CLIP4: variants seen among roughly 807,000 people sequenced by gnomAD.
The protein encoded by CLIP4 is CAP-Gly domain-containing linker protein 4.
Under a neutral mutation model 73.1 loss-of-function variants are expected in CLIP4, and 47 were observed. The ratio of observed to expected loss-of-function variants is 0.64; its 90% CI spans 0.51 to 0.82. CLIP4 has a LOEUF of 0.82. Among genes scored for constraint, CLIP4 ranks in the 40% least tolerant of loss-of-function variants. The pLI is 0.00. For synonymous variants in CLIP4, 306 were observed against 295.4 expected (o/e 1.04, Z -0.37); for missense variants, 874 against 852.9 (o/e 1.02, Z -0.31).
chr2:29,165,897 C>T (rs1250501680), intron 13 of CLIP4, among the ~76,000 whole-genome samples: 2 of 151,624 alleles, frequency 1.3e-5, no homozygotes. Flanking sequence ...CTGGAGCACA[C>T]GTTTTTTACT....
intron 1 of CLIP4, among the ~76,000 whole-genome samples, chr2:29,104,470 A>G (rs1410791785): frequency 2.0e-5 from 3 of 152,018 alleles, no homozygotes; most frequent in African/African-American, 7.2e-5. Flanking sequence ...TATTTTCTAT[A>G]GCGACAGGGT....
intron 15 of CLIP4, among the ~76,000 whole-genome samples, chr2:29,176,081 ATTAAT>A (rs1444146099): frequency 2.6e-5 from 4 of 152,198 alleles, no homozygotes; most frequent in African/African-American, 9.6e-5. Flanking sequence ...TTTTTAAATT[ATTAAT>A]TTATCTGTTT....
Position 29,157,349 on chromosome 2 carries a change from T to TCA in CLIP4, c.1399+2_1399+3insCA. On this transcript the variant is annotated splice_region_variant and intron_variant, in intron 11 of 15. Coordinates refer to ENST00000320081, the MANE Select transcript of CLIP4 (RefSeq NM_024692.6). ...CCCTTTCATCCAGAGCCAGTGCTGG[T>TCA]ATCTATGGCTTTTTCAACCAGGCTT... 6.2e-7 allele frequency: 1 copy of TCA among 1,614,018 alleles called. No individual in the cohort carries two copies. The highest frequency in any genetic ancestry group is 8.5e-7 in the Non-Finnish European group (1 of 1,179,904).
chr2:29,134,261 T>C lies in CLIP4; in HGVS notation c.529+445T>C, dbSNP rs574344791. The stretch of plus-strand genomic sequence containing the variant: ...ATAATATTTCAGTTTTTTTTCCCTG[T>C]TTTGATGGTGATATCCTGAAATTGA... On this transcript the variant is annotated intron_variant, in intron 5 of 15. Transcript: ENST00000320081. 2.6e-5 allele frequency among the ~76,000 whole-genome samples: 4 copies of C among 152,274 alleles called. 1 individual carries two copies. In the South Asian group the frequency reaches 8.3e-4, roughly 32 times the overall value.
At position 29,115,758 on chromosome 2, in the gene CLIP4, G is replaced by C. The variant is rs79497936; in HGVS notation, c.-16+93G>C. ...GGGCGGCCCTGGGGGCCCGCGGGGA[G>C]GTCAGTGGCCCCGGGAGGGTCGCGC... On this transcript the variant is annotated intron_variant, in intron 1 of 15. Transcript: ENST00000320081. The surrounding 1 kb of genome is among the most constrained non-coding windows in gnomAD (Gnocchi z 5.1). 1 of 150,270 alleles carries C rather than the reference G, an allele frequency of 6.7e-6. No individual in the cohort carries two copies. Among genetic ancestry groups the C allele is most frequent in the Non-Finnish European group, 1.5e-5 (1 of 67,460 alleles). The allele number at this position is 150,270 out of a possible 1,614,324, so 9.3% of individuals were successfully genotyped here.
intron 6 of CLIP4, among the ~76,000 whole-genome samples, chr2:29,141,179 G>A (rs1310566559): frequency 1.3e-5 from 2 of 152,020 alleles, no homozygotes; most frequent in African/African-American, 2.4e-5. Context: ...TTTACTCCAC[G>A]GTGGTCCAAG....
At chr2:29,176,155 G>A (rs558330137) in intron 15 of CLIP4, among the ~76,000 whole-genome samples, 2 of 152,312 alleles carry the variant, frequency 1.3e-5, no homozygotes, top group South Asian at 4.1e-4. Context: ...AAAAGAAAGG[G>A]TTTCAGGTGC....
intron 15 of CLIP4, among the ~76,000 whole-genome samples, chr2:29,176,367 G>T (rs189327036): frequency 2.0e-5 from 3 of 152,322 alleles, no homozygotes; most frequent in Admixed American, 2.0e-4. Context: ...TTGCTTGTTC[G>T]TATGGAAATA....
At position 29,157,193 on chromosome 2, in the gene CLIP4, A is replaced by T; in HGVS notation, c.1256-11A>T. ...TTTTCCACCGTTTGACACGTTCTTT[A>T]TCTGTTACAGTTGCCCTGCTTGGAT... On this transcript the variant is annotated splice_polypyrimidine_tract_variant and intron_variant, in intron 10 of 15. Transcript: ENST00000320081. The T allele has an allele frequency of 6.2e-7, 1 of 1,613,282 alleles. No homozygotes were observed. The highest frequency in any genetic ancestry group is 8.5e-7 in the Non-Finnish European group (1 of 1,179,262).
chr2:29,135,499 T>C (rs768163461), intron 5 of CLIP4, 49 bp from the exon 6 acceptor site: 1 of 1,355,906 alleles, frequency 7.4e-7, no homozygotes, highest in Non-Finnish European at 1.0e-6. Flanking sequence ...TAAATTATGA[T>C]AGCTAAGTTT....
chr2:29,173,343 A>G (rs887635044), intron 14 of CLIP4, among the ~76,000 whole-genome samples: 2 of 152,200 alleles, frequency 1.3e-5, no homozygotes, highest in African/African-American at 4.8e-5. Flanking sequence ...CTTCATCTGA[A>G]CGGTGTTTCG....
At chr2:29,108,794 C>G (rs2148439921) in intron 1 of CLIP4, among the ~76,000 whole-genome samples, 1 of 152,282 alleles carries the variant, frequency 6.6e-6, no homozygotes, top group Non-Finnish European at 1.5e-5. Flanking sequence ...GATCATCATA[C>G]CTCCCAAAAT....
intron 1 of CLIP4, among the ~76,000 whole-genome samples, chr2:29,104,052 C>G (rs1346000814): frequency 1.3e-5 from 2 of 152,096 alleles, no homozygotes; most frequent in Non-Finnish European, 2.9e-5. Context: ...CAGGAACTCC[C>G]TCAGTCCTGG....
chr2:29,174,587 T>C, intron 15 of CLIP4, 142 bp downstream of exon 15: 1 of 1,383,260 alleles, frequency 7.2e-7, no homozygotes, highest in Non-Finnish European at 9.3e-7. Context: ...ATAAGTGTAT[T>C]GAGAAGCGTT....
intron 6 of CLIP4, among the ~76,000 whole-genome samples, chr2:29,138,276 G>T (rs897319490): frequency 3.3e-5 from 5 of 152,038 alleles, no homozygotes; most frequent in African/African-American, 1.2e-4. Flanking sequence ...TTTCCCTACT[G>T]TTTATTTTTG....
At chr2:29,132,360 T>C (rs756363152) in intron 4 of CLIP4, 115 bp downstream of exon 4, 32 of 809,624 alleles carry the variant, frequency 4.0e-5, no homozygotes, top group Non-Finnish European at 5.3e-5. Flanking sequence ...GATGATAATA[T>C]TGCCTGAAGA....
chr2:29,105,913 A>C (rs1164832545), intron 1 of CLIP4, among the ~76,000 whole-genome samples: 2 of 152,222 alleles, frequency 1.3e-5, no homozygotes, highest in Non-Finnish European at 2.9e-5. Flanking sequence ...TGTTGTTTAT[A>C]AGCCACTTTG....
intron 2 of CLIP4, among the ~76,000 whole-genome samples, chr2:29,127,493 A>T (rs989679218): frequency 1.3e-5 from 2 of 152,202 alleles, no homozygotes; most frequent in African/African-American, 4.8e-5. Context: ...GTCTTAAGGG[A>T]AAAGAGAAAA....
intron 2 of CLIP4, among the ~76,000 whole-genome samples, chr2:29,127,766 A>G (rs1664703227): frequency 6.6e-6 from 1 of 152,186 alleles, no homozygotes; most frequent in South Asian, 2.1e-4. Flanking sequence ...TTTGTATCAC[A>G]GATGCTTGCA....
Sources: allele counts gnomAD v4.1 joint callset (sites outside exome capture counted in the v4.1 genomes callset), GRCh38; gene constraint gnomAD v4.1.1; non-coding constraint Gnocchi (gnomAD v3.1); transcripts MANE v1.5; gene names NCBI Gene and HGNC (gene_info 2026-07-23, HGNC 2026-07-21).